IGF1R: variants seen among roughly 807,000 people sequenced by gnomAD.
IGF1R encodes insulin-like growth factor 1 receptor.
In IGF1R, 44 loss-of-function variants were observed where a neutral mutation model predicts 144.6. The ratio of observed to expected loss-of-function variants is 0.30; its 90% CI spans 0.24 to 0.39. IGF1R has a LOEUF of 0.39. Ranked by LOEUF, IGF1R falls within the 10% of genes least tolerant of loss-of-function variation. The pLI is 1.00. For missense variants in IGF1R, 1,355 were observed against 1,833.7 expected, an observed-to-expected ratio of 0.74 and a Z score of 4.77; for synonymous variants, 795 against 722.8, an observed-to-expected ratio of 1.10 and a Z score of -1.60.
At chr15:98,706,672 A>G (rs928073978) in intron 1 of IGF1R, among the ~76,000 whole-genome samples, 1 of 152,184 alleles carries the variant, frequency 6.6e-6, no homozygotes, top group Non-Finnish European at 1.5e-5. Context: ...AAGGACATGT[A>G]TTGACCTAGT....
At position 98,922,223 on chromosome 15, in the gene IGF1R, C is replaced by T. The variant is rs754252753; in HGVS notation, c.2277C>T (p.Ala759=). 4.3e-5 allele frequency: 69 copies of T among 1,614,154 alleles called. 1 individual carries two copies. The highest frequency in any genetic ancestry group is 4.9e-5 in the Non-Finnish European group (58 of 1,180,018). Residue 759 remains alanine (A), a synonymous_variant, in exon 11 of 21, where the codon GCC becomes GCT. Coordinates refer to ENST00000650285, the MANE Select transcript of IGF1R (RefSeq NM_000875.5). ...CCAGCCGAAGCAGGAACACCACGGC[C>T]GCAGACACCTACAACATCACCGACC... is the stretch of plus-strand genomic sequence containing the variant. ...TMSSRSRNTT[A]ADTYNITDPE...
At chr15:98,703,788 A>G (rs1423321454) in intron 1 of IGF1R, among the ~76,000 whole-genome samples, 5 of 152,200 alleles carry the variant, frequency 3.3e-5, no homozygotes, top group African/African-American at 9.6e-5. Context: ...TGATTGCAGT[A>G]TGAAGTTCAA....
rs1319492103 is a variant in IGF1R, at chr15:98,867,295, GGTTT to G, written c.641-24025_641-24022del. ...TTCTGTGAAGTTTTAAAACAAATTG[GGTTT>G]GTTTAATTAAAATATTTCTTAAAGG... On this transcript the variant is annotated intron_variant, in intron 2 of 20. Transcript: ENST00000650285. Among the ~76,000 whole-genome samples the G allele has an allele frequency of 5.3e-5, 8 of 151,944 alleles. No homozygotes were observed. In the South Asian group the frequency reaches 1.0e-3, roughly 20 times the overall value.
chr15:98,784,587 C>T (rs1038153119), intron 2 of IGF1R: 3 of 153,992 alleles, frequency 1.9e-5, no homozygotes, highest in Non-Finnish European at 4.4e-5. Flanking sequence ...TGTGAACATT[C>T]TTTACCTGAG....
chr15:98,833,103 A>G (rs1237626119), intron 2 of IGF1R, among the ~76,000 whole-genome samples: 1 of 152,212 alleles, frequency 6.6e-6, no homozygotes, highest in South Asian at 2.1e-4. Context: ...GGGTTGAGGT[A>G]TCCCCTGGTA....
intron 2 of IGF1R, among the ~76,000 whole-genome samples, chr15:98,740,963 C>A (rs1050477423): frequency 6.6e-6 from 1 of 152,092 alleles, no homozygotes; most frequent in Non-Finnish European, 1.5e-5. Context: ...CTTTGCTGGT[C>A]GGCAAATCTC....
chr15:98,845,635 C>A (rs144094386), intron 2 of IGF1R, among the ~76,000 whole-genome samples: 1 of 149,968 alleles, frequency 6.7e-6, no homozygotes, highest in African/African-American at 2.5e-5. Context: ...TGGGCCTGTG[C>A]GGCACTTTGT....
In IGF1R at chr15:98,697,019, A is replaced by G. The variant is rs969317271; in HGVS notation, c.95-10543A>G. Among the ~76,000 whole-genome samples the G allele has an allele frequency of 3.7e-4, 56 of 152,188 alleles. 1 individual carries two copies. The highest frequency in any genetic ancestry group is 4.8e-5 in the African/African-American group (2 of 41,434). ...GTGGAAAAAGTACTCCTTTGGGGGA[A>G]GAGGTGAATCTGGAGGTGTTAGAGC... On this transcript the variant is annotated intron_variant, in intron 1 of 20. Coordinates refer to ENST00000650285, the MANE Select transcript of IGF1R (RefSeq NM_000875.5).
At chr15:98,950,587 G>T (rs1022914761) in intron 20 of IGF1R, among the ~76,000 whole-genome samples, 2 of 152,152 alleles carry the variant, frequency 1.3e-5, no homozygotes, top group Admixed American at 1.3e-4. Flanking sequence ...GCCTCCATAG[G>T]CCCTCTCATA....
In IGF1R at chr15:98,950,153, G is replaced by C. The variant is rs548510786; in HGVS notation, c.3722+1445G>C. Among the ~76,000 whole-genome samples the C allele has an allele frequency of 2.2e-3, 338 of 152,328 alleles. 3 individuals carry two copies. Among genetic ancestry groups the C allele is most frequent in the African/African-American group, 7.7e-3 (320 of 41,572 alleles). ...AAGGATCCTGAGGAATTGCTGGGCT[G>C]TTATGTCTGCATGAAGGCACCCAGC... On this transcript the variant is annotated intron_variant, in intron 20 of 20. Transcript: ENST00000650285.
intron 2 of IGF1R, among the ~76,000 whole-genome samples, chr15:98,885,921 A>G (rs113031248): frequency 1.3e-5 from 2 of 151,428 alleles, no homozygotes; most frequent in African/African-American, 4.8e-5. Context: ...GGTTCAAACG[A>G]TTCTCCTGCC....
At chr15:98,758,277 C>T (rs2055206532) in intron 2 of IGF1R, among the ~76,000 whole-genome samples, 1 of 151,814 alleles carries the variant, frequency 6.6e-6, no homozygotes, top group Non-Finnish European at 1.5e-5. Flanking sequence ...TTAGACTCCT[C>T]TTCCCGTCTA....
In IGF1R at chr15:98,963,086, TTAAA is replaced by T. The variant is rs576483304; in HGVS notation, c.*5646_*5649del. 46 of 233,688 alleles carry T rather than the reference TTAAA, an allele frequency of 2.0e-4. No individual in the cohort carries two copies. Among genetic ancestry groups the T allele is most frequent in the African/African-American group, 8.1e-4 (37 of 45,464 alleles). 14.5% of individuals were successfully genotyped at this position (233,688 alleles called of 1,614,324 possible). A position where few individuals can be genotyped will look rare whatever the true frequency, so the allele number is the denominator to read the frequency against. On this transcript the variant is annotated 3_prime_UTR_variant, in exon 21 of 21. Transcript: ENST00000650285. ...CGAAGATCTGGTTTACAAGAACTAA[TTAAA>T]TGTTTCATTGCATTTTTGTAAGAAC...
At chr15:98,949,947 C>T (rs939626) in intron 20 of IGF1R, among the ~76,000 whole-genome samples, 90,654 of 152,022 alleles carry the variant, frequency 0.6, 27,568 homozygotes, top group East Asian at 0.74. Flanking sequence ...AGTCATCAGG[C>T]GCACAACAGG....
intron 15 of IGF1R, among the ~76,000 whole-genome samples, chr15:98,932,376 A>G (rs1362952199): frequency 6.6e-6 from 1 of 152,216 alleles, no homozygotes; most frequent in Non-Finnish European, 1.5e-5. Context: ...GCATGTCACC[A>G]TTCTCCAGAG....
At chr15:98,899,422 T>C in intron 4 of IGF1R, 55 bp from the exon 5 acceptor site, 2 of 1,577,844 alleles carry the variant, frequency 1.3e-6, no homozygotes, top group Admixed American at 1.7e-5. Context: ...AGAATCCAAG[T>C]ATGTCACCCT....
At chr15:98,699,076 A>T (rs1456022974) in intron 1 of IGF1R, among the ~76,000 whole-genome samples, 1 of 152,258 alleles carries the variant, frequency 6.6e-6, no homozygotes, top group Non-Finnish European at 1.5e-5. Context: ...CTGAGAAGAA[A>T]GTTGAAAGTC....
chr15:98,932,178 G>C (rs1406454184), intron 15 of IGF1R, among the ~76,000 whole-genome samples: 3 of 152,114 alleles, frequency 2.0e-5, no homozygotes, highest in Non-Finnish European at 4.4e-5. Context: ...GATACGTCTT[G>C]GTACTTCATT....
intron 2 of IGF1R, among the ~76,000 whole-genome samples, chr15:98,748,714 T>C (rs2141329104): frequency 1.3e-5 from 2 of 152,304 alleles, no homozygotes; most frequent in South Asian, 4.1e-4. Flanking sequence ...GCTTTCAGAG[T>C]ATGTGAACAC....
Sources: allele counts gnomAD v4.1 joint callset (sites outside exome capture counted in the v4.1 genomes callset), GRCh38; gene constraint gnomAD v4.1.1; transcripts MANE v1.5; gene names NCBI Gene and HGNC (gene_info 2026-07-23, HGNC 2026-07-21).